SCUBE2: variants seen among roughly 807,000 people sequenced by gnomAD.
The protein encoded by SCUBE2 is signal peptide, CUB and EGF-like domain-containing protein 2.
Under a neutral mutation model 125.9 loss-of-function variants are expected in SCUBE2, and 114 were observed. The ratio of observed to expected loss-of-function variants is 0.91; its 90% CI spans 0.78 to 1.06. The LOEUF (loss-of-function observed/expected upper bound fraction) is 1.06. Among genes scored for constraint, SCUBE2 ranks in the 50% least tolerant of loss-of-function variants. SCUBE2 has a pLI of 0.00. For synonymous variants in SCUBE2, 459 were observed against 492.9 expected (o/e 0.93, Z 0.91); for missense variants, 1,255 against 1,301.8 (o/e 0.96, Z 0.55).
chr11:9,047,281 A>AGTTTAC, intron 16 of SCUBE2, 75 bp downstream of exon 16: 1 of 1,487,912 alleles, frequency 6.7e-7, no homozygotes, highest in South Asian at 1.2e-5. Flanking sequence ...GATGGGCCAG[A>AGTTTAC]CTTGCCTTCG....
At chr11:9,075,733 C>T (rs148294721) in intron 3 of SCUBE2, among the ~76,000 whole-genome samples, 142 of 152,342 alleles carry the variant, frequency 9.3e-4, no homozygotes, top group African/African-American at 2.9e-3. Context: ...TCCAGCTTCA[C>T]ACATGCATCT....
chr11:9,055,662 C>T, intron 10 of SCUBE2, 131 bp downstream of exon 10: 2 of 708,908 alleles, frequency 2.8e-6, no homozygotes, highest in Non-Finnish European at 5.1e-6. Context: ...GATGGACTCA[C>T]CGCTATTGCT....
At chr11:9,075,832 AGGTGCCTGCAGGGCTG>A (rs1282125553) in intron 3 of SCUBE2, among the ~76,000 whole-genome samples, 1 of 152,212 alleles carries the variant, frequency 6.6e-6, no homozygotes. Flanking sequence ...TGGGCGGACA[AGGTGCCTGCAGGGCTG>A]GGAGCCTTGT....
intron 13 of SCUBE2, among the ~76,000 whole-genome samples, 175 bp downstream of exon 13, chr11:9,052,571 G>C (rs1858524951): frequency 6.6e-6 from 1 of 152,154 alleles, no homozygotes; most frequent in African/African-American, 2.4e-5. Flanking sequence ...CTGTTACATG[G>C]GAGAGTCACA....
Position 9,027,427 on chromosome 11 carries a change from C to A in SCUBE2, c.2638G>T (p.Val880Phe), listed in dbSNP as rs147546688. Residue 880 changes from valine to phenylalanine, a missense_variant, in exon 20 of 23, where the codon GTC (valine) becomes TTC (phenylalanine). By Grantham distance (50) the Val-to-Phe change is conservative (BLOSUM62 -1). Around this residue, in one of 3 missense-constraint regions of SCUBE2, gnomAD observed 515 missense variants for 515.7 expected, o/e 1.00. Coordinates refer to ENST00000649792, the MANE Select transcript of SCUBE2 (RefSeq NM_001367977.2). ...TCTATGGGCAGGAAGATCTCAGGGACCACGATCAGGATGCGGCGCTTGGGG... is the reference window on the plus strand; with the variant it reads ...TCTATGGGCAGGAAGATCTCAGGGAACACGATCAGGATGCGGCGCTTGGGG... ...PPPKRRILIV[V>F]PEIFLPIEDD... The A allele has an allele frequency of 7.4e-5, 120 of 1,613,924 alleles. No individual in the cohort carries two copies. The highest frequency in any genetic ancestry group is 9.8e-5 in the Non-Finnish European group (116 of 1,180,016).
At chr11:9,023,301 T>C (rs1275696025) in intron 21 of SCUBE2, among the ~76,000 whole-genome samples, 1 of 152,252 alleles carries the variant, frequency 6.6e-6, no homozygotes, top group African/African-American at 2.4e-5. Flanking sequence ...AGTAATGGTA[T>C]AATAGTCACA....
Position 9,052,719 on chromosome 11 carries a change from G to A in SCUBE2, c.1534+27C>T, listed in dbSNP as rs1858543994. 3.3e-6 allele frequency: 5 copies of A among 1,496,516 alleles called. No individual in the cohort carries two copies. In the South Asian group the frequency reaches 6.0e-5, roughly 18 times the overall value. 92.7% of individuals were successfully genotyped at this position (1,496,516 alleles called of 1,614,324 possible). ...GCCCCTTGAACACAGTGAGCCCCCA[G>A]AGAGAACACGCAGATTTGGTAATTA... On this transcript the variant is annotated intron_variant, in intron 13 of 22. Coordinates refer to ENST00000649792, the MANE Select transcript of SCUBE2 (RefSeq NM_001367977.2).
chr11:9,029,074 G>A (rs1856042569), intron 19 of SCUBE2, among the ~76,000 whole-genome samples: 2 of 152,178 alleles, frequency 1.3e-5, no homozygotes, highest in Admixed American at 1.3e-4. Context: ...GGGCCTCCTT[G>A]CTCCTCTGAC....
At chr11:9,070,149 CAGAG>C (rs1161350287) in intron 4 of SCUBE2, among the ~76,000 whole-genome samples, 3 of 139,728 alleles carry the variant, frequency 2.1e-5, no homozygotes, top group Non-Finnish European at 3.0e-5. Context: ...AGAGAAGAGA[CAGAG>C]AGAGAGAGAA....
chr11:9,065,966 C>T lies in SCUBE2; in HGVS notation c.775G>A (p.Val259Ile), dbSNP rs1860184944. 2 of 1,613,920 alleles carry T rather than the reference C, an allele frequency of 1.2e-6. No homozygotes were observed. The highest frequency in any genetic ancestry group is 1.7e-6 in the Non-Finnish European group (2 of 1,179,778). The change falls in exon 7 of 23, where the codon GTC (valine) becomes ATC (isoleucine). Residue 259 changes from valine to isoleucine, a missense_variant. Coordinates refer to ENST00000649792, the MANE Select transcript of SCUBE2 (RefSeq NM_001367977.2). Reference protein sequence around the residue: ...GRSCLEREDTVLEVTESNTTS... With the variant: ...GRSCLEREDTILEVTESNTTS... The stretch of plus-strand genomic sequence containing the variant: ...GTGTTGCTCTCTGTCACCTCCAGGA[C>T]AGTGTCCTCTCGCTCTACAAGAGAA...
At chr11:9,064,856 CAGA>C (rs1860052283) in intron 7 of SCUBE2, 1 of 152,128 alleles carries the variant, frequency 6.6e-6, no homozygotes, top group Non-Finnish European at 1.5e-5. Flanking sequence ...AGACTTTCTC[CAGA>C]AGGAGTAACG....
chr11:9,039,036 C>A (rs1461339588), intron 16 of SCUBE2, among the ~76,000 whole-genome samples: 1 of 152,150 alleles, frequency 6.6e-6, no homozygotes, highest in South Asian at 2.1e-4. Flanking sequence ...CAGGCTTGCA[C>A]CACCATGCCC....
chr11:9,089,970 A>G, intron 1 of SCUBE2, 141 bp from the exon 2 acceptor site: 1 of 1,126,268 alleles, frequency 8.9e-7, no homozygotes, highest in Non-Finnish European at 1.2e-6. Context: ...CCTGGGATAA[A>G]CCAAACTGTT....
chr11:9,057,911 TG>T (rs1006749948), intron 9 of SCUBE2, among the ~76,000 whole-genome samples: 24 of 152,308 alleles, frequency 1.6e-4, no homozygotes, highest in African/African-American at 5.5e-4. Flanking sequence ...ACATCTTTCC[TG>T]AGAACTTCTT....
chr11:9,091,444 CCAG>C lies in SCUBE2; in HGVS notation c.82_84del (p.Leu28del), dbSNP rs1470407875. 4.1e-5 allele frequency: 54 copies of C among 1,329,702 alleles called. No individual in the cohort carries two copies. The highest frequency in any genetic ancestry group is 3.3e-4 in the South Asian group (18 of 54,266). The allele number at this position is 1,329,702 out of a possible 1,614,324, so 82.4% of individuals were successfully genotyped here. A position where few individuals can be genotyped will look rare whatever the true frequency, so the allele number is the denominator to read the frequency against. ...CCCCGACCCGGCGGGACGGCCCCCG[CCAG>C]CAGCAGCAGTGGCGGCAGCAGCAGC... is the stretch of plus-strand genomic sequence containing the variant. On this transcript the variant is annotated inframe_deletion, in exon 1 of 23. Coordinates refer to ENST00000649792, the MANE Select transcript of SCUBE2 (RefSeq NM_001367977.2). This position sits in a 1 kb window ranked among gnomAD's most constrained non-coding sequence, Gnocchi z 8.5.
At chr11:9,036,844 C>A (rs1856789748) in intron 16 of SCUBE2, among the ~76,000 whole-genome samples, 1 of 152,214 alleles carries the variant, frequency 6.6e-6, no homozygotes, top group East Asian at 1.9e-4. Context: ...TATCCCACCT[C>A]TGTGCCATTT....
At chr11:9,078,425 T>C (rs1394740392) in intron 3 of SCUBE2, among the ~76,000 whole-genome samples, 1 of 152,320 alleles carries the variant, frequency 6.6e-6, no homozygotes, top group Non-Finnish European at 1.5e-5. Context: ...AAGTCCCAAA[T>C]GGAAATAACC....
intron 21 of SCUBE2, 131 bp downstream of exon 21, chr11:9,025,571 G>T: frequency 8.9e-7 from 1 of 1,123,320 alleles, no homozygotes; most frequent in Non-Finnish European, 1.3e-6. Context: ...TTGTGAGTCA[G>T]CAATGTCTTT....
At chr11:9,090,901 G>A (rs577139392) in intron 1 of SCUBE2, among the ~76,000 whole-genome samples, 35 of 152,206 alleles carry the variant, frequency 2.3e-4, no homozygotes, top group Non-Finnish European at 4.4e-4. Context: ...GCTGCTTCAG[G>A]GTAATTCCCA....
Sources: allele counts gnomAD v4.1 joint callset (sites outside exome capture counted in the v4.1 genomes callset), GRCh38; gene constraint gnomAD v4.1.1; regional missense constraint gnomAD v4.1.1; non-coding constraint Gnocchi (gnomAD v3.1); transcripts MANE v1.5; gene names NCBI Gene and HGNC (gene_info 2026-07-23, HGNC 2026-07-21).